The following PRKCQ variants were observed in gnomAD, a reference collection of about 807,000 sequenced individuals.
PRKCQ encodes the protein protein kinase C theta.
PRKCQ carries 41 observed loss-of-function variants against 91.2 expected under a neutral mutation model. That is an observed-to-expected ratio of 0.45 (90% confidence interval 0.35 to 0.58). The LOEUF is 0.58. Ranked by LOEUF, PRKCQ falls within the 20% of genes least tolerant of loss-of-function variation. The pLI is 0.00. For synonymous variants in PRKCQ, 307 were observed against 316.9 expected (o/e 0.97, Z 0.33); for missense variants, 673 against 896.5 (o/e 0.75, Z 3.18).
At chr10:6,455,602 C>T (rs1248003643) in intron 15 of PRKCQ, among the ~76,000 whole-genome samples, 1 of 152,208 alleles carries the variant, frequency 6.6e-6, no homozygotes, top group Non-Finnish European at 1.5e-5. Flanking sequence ...CATCCATTTA[C>T]TCTTCTAGAA....
At chr10:6,441,385 G>A (rs1032880733) in intron 16 of PRKCQ, among the ~76,000 whole-genome samples, 1 of 152,010 alleles carries the variant, frequency 6.6e-6, no homozygotes, top group Non-Finnish European at 1.5e-5. Context: ...CAGGTGATCC[G>A]CTCACCTTGG....
At chr10:6,473,837 A>G (rs1379867815) in intron 12 of PRKCQ, among the ~76,000 whole-genome samples, 2 of 152,200 alleles carry the variant, frequency 1.3e-5, no homozygotes, top group Non-Finnish European at 2.9e-5. Context: ...CATACTTTTT[A>G]AAAAGTATCA....
chr10:6,515,025 G>C lies in PRKCQ; in HGVS notation c.111C>G (p.Val37=). 6.2e-7 allele frequency: 1 copy of C among 1,613,208 alleles called. No homozygotes were observed. Among genetic ancestry groups the C allele is most frequent in the Non-Finnish European group, 8.5e-7 (1 of 1,179,892 alleles). ...AAATCCCCTCAAGCTTACCTGATTC[G>C]ACATACTCTTTGACGAGCACAGCAC... is the stretch of plus-strand genomic sequence containing the variant. ...PYCAVLVKEY[V]ESENGQMYIQ... is the part of the protein sequence containing the mutation. The change falls in exon 2 of 18, where the codon GTC becomes GTG. Residue 37 remains valine, a synonymous_variant. Transcript: ENST00000263125.
intron 4 of PRKCQ, among the ~76,000 whole-genome samples, chr10:6,501,765 G>A (rs901652210): frequency 2.4e-4 from 37 of 151,970 alleles, no homozygotes; most frequent in Admixed American, 2.1e-3. Context: ...CGGAGGTTGC[G>A]GCGAGCCAAC....
intron 12 of PRKCQ, among the ~76,000 whole-genome samples, chr10:6,474,365 T>C (rs7089504): frequency 0.38 from 58,016 of 152,100 alleles, 11,340 homozygotes; most frequent in South Asian, 0.49. Flanking sequence ...GCTACTTAGG[T>C]GTGAAATAGT....
At chr10:6,574,585 A>G (rs1841159488) in intron 1 of PRKCQ, among the ~76,000 whole-genome samples, 2 of 152,278 alleles carry the variant, frequency 1.3e-5, no homozygotes, top group South Asian at 4.1e-4. Flanking sequence ...TAGCCCACAC[A>G]CTGGCACATG....
rs145925567 is a variant in PRKCQ, at chr10:6,576,809, T to G, written c.-10+3402A>C. On this transcript the variant is annotated intron_variant, in intron 1 of 17. Transcript: ENST00000263125. The surrounding 1 kb of genome is among the most constrained non-coding windows in gnomAD (Gnocchi z 4.2). ...GTTAGACTAATCTGGATGGTCCAACTAACCTGACTCTACCACTGACTGGTT... is the reference window on the plus strand; with the variant it reads ...GTTAGACTAATCTGGATGGTCCAACGAACCTGACTCTACCACTGACTGGTT... 3.9e-3 allele frequency among the ~76,000 whole-genome samples: 588 copies of G among 152,248 alleles called. 2 individuals carry two copies. Among genetic ancestry groups the G allele is most frequent in the African/African-American group, 0.013 (555 of 41,492 alleles).
chr10:6,504,208 C>A (rs1230221054), intron 4 of PRKCQ, among the ~76,000 whole-genome samples: 1 of 152,152 alleles, frequency 6.6e-6, no homozygotes, highest in East Asian at 1.9e-4. Flanking sequence ...TATTTTATTC[C>A]TGTAGCTACA....
Position 6,491,787 on chromosome 10 carries a change from T to G in PRKCQ, c.686A>C (p.Asp229Ala). ...GTAGACTTTAAATCTGTGTGGCATGTCAATTTTGAATCTCTCCTTGTGGAA... is the reference window on the plus strand; with the variant it reads ...GTAGACTTTAAATCTGTGTGGCATGGCAATTTTGAATCTCTCCTTGTGGAA... ...TMFHKERFKI[D>A]MPHRFKVYNY... The change falls in exon 8 of 18, where the codon GAC (aspartate) becomes GCC (alanine). Residue 229 changes from aspartate (D) to alanine (A), a missense_variant. Physicochemically the swap from Asp to Ala is moderately radical, Grantham distance 126 (BLOSUM62 -2). Transcript: ENST00000263125. The G allele has an allele frequency of 6.2e-7, 1 of 1,614,176 alleles. No homozygotes were observed. Among genetic ancestry groups the G allele is most frequent in the African/African-American group, 1.3e-5 (1 of 75,058 alleles).
At chr10:6,453,273 A>C (rs1371035296) in intron 15 of PRKCQ, among the ~76,000 whole-genome samples, 3 of 152,200 alleles carry the variant, frequency 2.0e-5, no homozygotes, top group Non-Finnish European at 4.4e-5. Context: ...ATGAACAGAC[A>C]CTTCTCAAAA....
intron 1 of PRKCQ, among the ~76,000 whole-genome samples, chr10:6,563,187 G>A (rs1386440234): frequency 1.3e-5 from 2 of 151,938 alleles, no homozygotes; most frequent in African/African-American, 4.8e-5. Flanking sequence ...TGAAGTAAGT[G>A]ACAGCTAGGA....
chr10:6,526,403 A>T (rs551931463), intron 1 of PRKCQ, among the ~76,000 whole-genome samples: 5 of 152,278 alleles, frequency 3.3e-5, no homozygotes, highest in Non-Finnish European at 1.5e-5. Context: ...GAGACAGACA[A>T]GAAAGCAGAA....
intron 4 of PRKCQ, among the ~76,000 whole-genome samples, chr10:6,505,526 CTTTCTTTTTCTTTCT>C (rs1307286151): frequency 0.011 from 1,233 of 109,100 alleles, 18 homozygotes; most frequent in Non-Finnish European, 0.014. Context: ...CCTTTTCTTT[CTTTCTTTTTCTTTCT>C]TTTCTTCTTT....
chr10:6,442,012 G>A lies in PRKCQ; in HGVS notation c.1717C>T (p.Leu573=). The change falls in exon 16 of 18, where the codon CTG becomes TTG. Residue 573 remains leucine, a synonymous_variant. Coordinates refer to ENST00000263125, the MANE Select transcript of PRKCQ (RefSeq NM_006257.5). ...CCGTGGAAAGGCGACTGACCAATCA[G>A]CATTTCATAAAGGAGAACCCCGAAG... ...WSFGVLLYEM[L]IGQSPFHGQD... is the part of the protein sequence containing the mutation. 6.2e-7 allele frequency: 1 copy of A among 1,614,144 alleles called. No homozygotes were observed. Among genetic ancestry groups the A allele is most frequent in the Non-Finnish European group, 8.5e-7 (1 of 1,180,030 alleles).
chr10:6,398,534 A>C, the PRKCQ span, among the ~76,000 whole-genome samples: 1 of 152,194 alleles, frequency 6.6e-6, no homozygotes, highest in African/African-American at 2.4e-5. Flanking sequence ...TGGAGTGGGC[A>C]TGTGAGTCAG....
chr10:6,453,685 G>T (rs1425513794), intron 15 of PRKCQ, among the ~76,000 whole-genome samples: 2 of 152,114 alleles, frequency 1.3e-5, no homozygotes, highest in Non-Finnish European at 2.9e-5. Context: ...GTCCAAAAAT[G>T]ATAGACTGGA....
At chr10:6,474,899 G>T (rs1424889706) in intron 12 of PRKCQ, among the ~76,000 whole-genome samples, 1 of 152,118 alleles carries the variant, frequency 6.6e-6, no homozygotes, top group Non-Finnish European at 1.5e-5. Context: ...CGCACTGAAG[G>T]GGGTACTGAG....
At chr10:6,577,983 A>G (rs1841307848) in intron 1 of PRKCQ, among the ~76,000 whole-genome samples, 1 of 152,240 alleles carries the variant, frequency 6.6e-6, no homozygotes, top group Non-Finnish European at 1.5e-5. Context: ...AATTCATTGC[A>G]GAGAAGAATT....
intron 12 of PRKCQ, among the ~76,000 whole-genome samples, chr10:6,476,948 C>G (rs1836298282): frequency 6.6e-6 from 1 of 152,198 alleles, no homozygotes; most frequent in Non-Finnish European, 1.5e-5. Context: ...TACCTTCACC[C>G]TCCCAGGCCA....
Sources: allele counts gnomAD v4.1 joint callset (sites outside exome capture counted in the v4.1 genomes callset), GRCh38; gene constraint gnomAD v4.1.1; non-coding constraint Gnocchi (gnomAD v3.1); transcripts MANE v1.5; gene names NCBI Gene and HGNC (gene_info 2026-07-23, HGNC 2026-07-21).